The following ANKRD36B variants were observed in gnomAD, a reference collection of about 807,000 sequenced individuals.
The protein encoded by ANKRD36B is ankyrin repeat domain-containing protein 36B.
A neutral mutation model predicts 135.7 loss-of-function variants in ANKRD36B; 37 were observed. The observed-to-expected ratio is 0.27, with a 90% CI of 0.21 to 0.36. ANKRD36B has a LOEUF of 0.36. ANKRD36B is among the 10% of genes least tolerant of loss of function. ANKRD36B has a pLI of 1.00. For missense variants in ANKRD36B, 549 were observed against 1,037.1 expected, an observed-to-expected ratio of 0.53 and a Z score of 6.46; for synonymous variants, 179 against 348.1, an observed-to-expected ratio of 0.51 and a Z score of 5.41.
At chr2:97,551,115 G>A (rs1404273145) in intron 18 of ANKRD36B, among the ~76,000 whole-genome samples, 174 bp downstream of exon 18, 4 of 151,778 alleles carry the variant, frequency 2.6e-5, no homozygotes, top group African/African-American at 7.3e-5. Flanking sequence ...TTACAGCCAA[G>A]ATCATATTCC....
intron 32 of ANKRD36B, among the ~76,000 whole-genome samples, chr2:97,537,960 T>C (rs550990818): frequency 1.0e-5 from 1 of 96,156 alleles, no homozygotes; most frequent in East Asian, 2.3e-4. Flanking sequence ...ACAATTTCAA[T>C]GTAGGGAAGT....
rs868711576 is a variant in ANKRD36B at position 97,537,939 on chromosome 2, G to A, written c.2089+229C>T. ...CTTATGTCTTGAACTGTTTTCCAAC[G>A]GTTCTTCTACACAATTTCAATGTAG... On this transcript the variant is annotated intron_variant, in intron 32 of 43. Transcript: ENST00000359901. 3.1e-5 allele frequency among the ~76,000 whole-genome samples: 3 copies of A among 95,986 alleles called. 1 individual carries two copies. The highest frequency in any genetic ancestry group is 9.3e-5 in the Admixed American group (1 of 10,754). The allele number at this position is 95,986 out of a possible 152,430, so 63.0% of individuals were successfully genotyped here. A position where few individuals can be genotyped will look rare whatever the true frequency, so the allele number is the denominator to read the frequency against.
Position 97,540,289 on chromosome 2 carries a change from A to T in ANKRD36B, c.1886-60T>A, listed in dbSNP as rs2079088670. ...GCACGTATGATAAAGTTATTCATAC[A>T]TTCATGCAGTGTTAGCATCAAGCTG... On this transcript the variant is annotated intron_variant, in intron 28 of 43. Transcript: ENST00000359901. 2 of 897,136 alleles carry T rather than the reference A, an allele frequency of 2.2e-6. 1 individual carries two copies. Among genetic ancestry groups the T allele is most frequent in the African/African-American group, 3.4e-5 (2 of 58,452 alleles). 55.6% of individuals were successfully genotyped at this position (897,136 alleles called of 1,614,324 possible).
intron 3 of ANKRD36B, among the ~76,000 whole-genome samples, chr2:97,581,792 C>CATTT (rs747453435): frequency 1.9e-3 from 286 of 151,994 alleles, no homozygotes; most frequent in Middle Eastern, 3.4e-3. Flanking sequence ...TTATTTGCAT[C>CATTT]ATTTATTTAT....
At chr2:97,576,484 T>G (rs377170786) in intron 5 of ANKRD36B, 38 bp from the exon 6 acceptor site, 1 of 772,884 alleles carries the variant, frequency 1.3e-6, no homozygotes, top group African/African-American at 1.8e-5. Flanking sequence ...ATTTTAATAC[T>G]ATTATCAAAA....
chr2:97,549,466 A>T lies in ANKRD36B; in HGVS notation c.1430T>A (p.Val477Asp). 1.3e-6 allele frequency: 2 copies of T among 1,590,576 alleles called. No individual in the cohort carries two copies. The highest frequency in any genetic ancestry group is 1.7e-6 in the Non-Finnish European group (2 of 1,168,140). ...LKATSVKEDS[V>D]LNIAREKKDG... ...CTTTTTTTCTCTGGCTATATTCAAA[A>T]CAGAATCTTCCTTGACACTTGTAGC... Residue 477 changes from valine to aspartate, a missense_variant, in exon 20 of 44, where the codon GTT becomes GAT. Physicochemically the swap from Val to Asp is radical, Grantham distance 152 (BLOSUM62 -3). Transcript: ENST00000359901.
chr2:97,589,430 C>T, intron 1 of ANKRD36B, 95 bp downstream of exon 1: 3 of 1,037,674 alleles, frequency 2.9e-6, no homozygotes, highest in Admixed American at 5.7e-5. Flanking sequence ...ACCCCGAGCC[C>T]CGGACCATCC....
intron 14 of ANKRD36B, among the ~76,000 whole-genome samples, chr2:97,554,202 A>G (rs550131597): frequency 6.6e-6 from 1 of 152,038 alleles, no homozygotes; most frequent in Admixed American, 6.6e-5. Flanking sequence ...TCAGTTGATG[A>G]ACTCAACATT....
chr2:97,560,637 T>C (rs1278181317), intron 8 of ANKRD36B, 28 bp downstream of exon 8: 7 of 1,599,148 alleles, frequency 4.4e-6, no homozygotes, highest in Non-Finnish European at 5.1e-6. Flanking sequence ...TGATTGAACA[T>C]GACATTAGAT....
At chr2:97,519,774 C>T (rs1292903415) in intron 36 of ANKRD36B, among the ~76,000 whole-genome samples, 1 of 92,370 alleles carries the variant, frequency 1.1e-5, no homozygotes, top group African/African-American at 3.2e-5. Flanking sequence ...ATTTATGTAA[C>T]ATGGATACAC....
At chr2:97,572,777 G>A (rs2081966800) in intron 6 of ANKRD36B, among the ~76,000 whole-genome samples, 1 of 151,676 alleles carries the variant, frequency 6.6e-6, no homozygotes, top group South Asian at 2.1e-4. Flanking sequence ...TATTACAAGA[G>A]GTCATGAAAA....
intron 34 of ANKRD36B, among the ~76,000 whole-genome samples, chr2:97,534,900 T>C (rs1287346013): frequency 1.0e-5 from 1 of 97,232 alleles, no homozygotes; most frequent in Non-Finnish European, 2.7e-5. Flanking sequence ...GCAGCACTTT[T>C]CACAATAGCC....
At chr2:97,551,148 C>G in intron 18 of ANKRD36B, 141 bp downstream of exon 18, 1 of 1,227,540 alleles carries the variant, frequency 8.1e-7, no homozygotes, top group South Asian at 1.4e-5. Context: ...TCAGCATAAC[C>G]CAAGAACTTA....
chr2:97,496,833 G>GTGTGTATATATATATA (rs373304719), intron 43 of ANKRD36B, among the ~76,000 whole-genome samples: 1 of 62,102 alleles, frequency 1.6e-5, no homozygotes, highest in African/African-American at 8.8e-5. Flanking sequence ...ATATGTGTGT[G>GTGTGTATATATATATA]TATATATATA....
chr2:97,548,347 A>T (rs568672118), intron 20 of ANKRD36B, among the ~76,000 whole-genome samples: 7 of 152,042 alleles, frequency 4.6e-5, no homozygotes, highest in Non-Finnish European at 8.8e-5. Context: ...AGTTTCTTGT[A>T]TCCACTAGTT....
intron 12 of ANKRD36B, among the ~76,000 whole-genome samples, chr2:97,555,763 C>T (rs1022538666): frequency 2.0e-5 from 3 of 151,972 alleles, no homozygotes; most frequent in East Asian, 2.0e-4. Context: ...GTGGAAGGGA[C>T]CTAAATTGAT....
intron 43 of ANKRD36B, among the ~76,000 whole-genome samples, chr2:97,494,013 C>A (rs1276606447): frequency 9.4e-6 from 1 of 106,588 alleles, no homozygotes; most frequent in Admixed American, 8.5e-5. Flanking sequence ...TTTGGTCGAC[C>A]ACTTAACCAA....
chr2:97,555,035 C>T (rs780697525), intron 14 of ANKRD36B, 25 bp downstream of exon 14: 7 of 1,609,624 alleles, frequency 4.3e-6, no homozygotes, highest in Non-Finnish European at 5.1e-6. Flanking sequence ...CTGAACATGA[C>T]ATTAAATGTG....
chr2:97,572,772 C>T (rs1405800398), intron 6 of ANKRD36B, among the ~76,000 whole-genome samples: 1 of 151,502 alleles, frequency 6.6e-6, no homozygotes, highest in Non-Finnish European at 1.5e-5. Flanking sequence ...AGAGATATTA[C>T]AAGAGGTCAT....
Sources: gnomAD v4.1 joint callset for allele counts (sites outside exome capture counted in the v4.1 genomes callset) on GRCh38, gnomAD v4.1.1 for gene constraint, MANE v1.5 for transcripts, NCBI Gene and HGNC (gene_info 2026-07-23, HGNC 2026-07-21) for gene names.